Variants in DEAF1 observed in about 807,000 individuals in gnomAD.
DEAF1 encodes the protein DEAF1 transcription factor, also known as deformed epidermal autoregulatory factor 1 homolog.
In DEAF1, 53 loss-of-function variants were observed where a neutral mutation model predicts 58.9. That is an observed-to-expected ratio of 0.90 (90% CI 0.72 to 1.13). DEAF1 has a LOEUF of 1.13. Among genes scored for constraint, DEAF1 ranks in the 50% most tolerant of loss-of-function variants. The pLI is 0.00. For synonymous variants in DEAF1, 385 were observed against 340.4 expected (o/e 1.13, Z -1.44); for missense variants, 685 against 791.4 (o/e 0.87, Z 1.61).
At chr11:655,612 G>A (rs919330209) in intron 10 of DEAF1, among the ~76,000 whole-genome samples, 9 of 151,980 alleles carry the variant, frequency 5.9e-5, no homozygotes, top group African/African-American at 1.7e-4. Flanking sequence ...CACAGGAAAC[G>A]ACTCCAGCGC....
upstream of DEAF1, chr11:699,116 C>T (rs1861330982): frequency 1.9e-6 from 1 of 525,922 alleles, no homozygotes; most frequent in Non-Finnish European, 3.4e-6. Context: ...CTAAGCACGC[C>T]ACACTGCCGG....
chr11:671,113 A>T (rs942157827), intron 10 of DEAF1, among the ~76,000 whole-genome samples: 4 of 151,270 alleles, frequency 2.6e-5, no homozygotes, highest in African/African-American at 7.3e-5. Context: ...TATTTTTAGT[A>T]GAGATGGGGT....
intron 10 of DEAF1, among the ~76,000 whole-genome samples, chr11:664,043 T>A (rs1859428425): frequency 6.6e-6 from 1 of 151,738 alleles, no homozygotes; most frequent in Admixed American, 6.6e-5. Flanking sequence ...AGAAACCCCA[T>A]CTCTACTAAA....
chr11:662,749 G>A (rs987827448), intron 10 of DEAF1, among the ~76,000 whole-genome samples: 19 of 152,170 alleles, frequency 1.2e-4, no homozygotes, highest in African/African-American at 4.6e-4. Context: ...CCTGGGTGCT[G>A]TACCATGATG....
intron 10 of DEAF1, 76 bp from the exon 11 acceptor site, chr11:654,127 T>TACA: frequency 8.1e-7 from 1 of 1,241,764 alleles, no homozygotes; most frequent in South Asian, 1.2e-5. Flanking sequence ...CAGAGGCAGG[T>TACA]GCAGGCAGGA....
intron 5 of DEAF1, among the ~76,000 whole-genome samples, chr11:685,975 C>T (rs1359465153): frequency 2.1e-5 from 3 of 142,432 alleles, no homozygotes; most frequent in South Asian, 4.4e-4. Context: ...GAAACCCTGT[C>T]CCTATTAAAA....
chr11:692,404 G>A (rs1341542584), intron 1 of DEAF1: 1 of 155,604 alleles, frequency 6.4e-6, no homozygotes, highest in Non-Finnish European at 1.4e-5. Flanking sequence ...TTCCTGTGAT[G>A]CTCCTAGGCC....
intron 1 of DEAF1, among the ~76,000 whole-genome samples, chr11:693,825 A>G (rs1860948439): frequency 6.6e-6 from 1 of 152,216 alleles, no homozygotes; most frequent in South Asian, 2.1e-4. Context: ...CAGCTTATAT[A>G]AAAATGTGGA....
intron 1 of DEAF1, among the ~76,000 whole-genome samples, chr11:701,379 T>TG (rs1274772117): frequency 5.3e-5 from 8 of 150,174 alleles, no homozygotes; most frequent in African/African-American, 1.7e-4. Flanking sequence ...TGTTTTGTTT[T>TG]TTTTTGGTAG....
chr11:667,567 C>T (rs1037202658), intron 10 of DEAF1, among the ~76,000 whole-genome samples: 4 of 151,876 alleles, frequency 2.6e-5, no homozygotes, highest in Non-Finnish European at 2.9e-5. Flanking sequence ...TTTGGGAGGC[C>T]GAGGCAGGTG....
intron 5 of DEAF1, 119 bp from the exon 6 acceptor site, chr11:685,082 C>CTT (rs55670454): frequency 0.34 from 116,893 of 340,842 alleles, 16,720 homozygotes; most frequent in African/African-American, 0.5. Context: ...TATAAAAATT[C>CTT]TTTTTTTTTT....
intron 11 of DEAF1, among the ~76,000 whole-genome samples, chr11:653,071 G>A (rs1291357185): frequency 1.9e-5 from 2 of 105,072 alleles, no homozygotes; most frequent in Non-Finnish European, 1.7e-5. Flanking sequence ...GTGACAGAAT[G>A]AGACTCTGTC....
At chr11:657,057 C>T (rs1185775556) in intron 10 of DEAF1, among the ~76,000 whole-genome samples, 1 of 152,166 alleles carries the variant, frequency 6.6e-6, no homozygotes, top group African/African-American at 2.4e-5. Context: ...ACACCCTCGT[C>T]CCTGCTCTGC....
intron 5 of DEAF1, among the ~76,000 whole-genome samples, chr11:685,854 CA>C (rs1343123164): frequency 1.3e-5 from 2 of 151,078 alleles, no homozygotes; most frequent in South Asian, 2.1e-4. Flanking sequence ...CATTAAAATA[CA>C]AAAATTAGGC....
intron 10 of DEAF1, among the ~76,000 whole-genome samples, chr11:658,840 CCTA>C (rs1859188521): frequency 6.6e-6 from 1 of 152,242 alleles, no homozygotes. Flanking sequence ...CAGGAACACA[CCTA>C]CTTTTGGCAA....
intron 10 of DEAF1, among the ~76,000 whole-genome samples, chr11:655,632 GCC>G (rs1391346867): frequency 6.6e-6 from 1 of 152,200 alleles, no homozygotes; most frequent in African/African-American, 2.4e-5. Flanking sequence ...CGGCCCCACG[GCC>G]CCTGCACGCG....
At chr11:695,837 C>A, upstream of DEAF1, 2 of 1,230,362 alleles carry the variant, frequency 1.6e-6, no homozygotes, top group Non-Finnish European at 2.0e-6. Flanking sequence ...GATGGCGGCC[C>A]CGCGGCGAGG....
intron 1 of DEAF1, 99 bp downstream of exon 1, chr11:694,660 G>A: frequency 8.8e-7 from 1 of 1,140,954 alleles, no homozygotes; most frequent in Non-Finnish European, 1.1e-6. Flanking sequence ...GTGAGGGACA[G>A]GTGTGGCGGG....
chr11:673,095 G>A (rs1311625421), intron 10 of DEAF1, among the ~76,000 whole-genome samples: 2 of 151,966 alleles, frequency 1.3e-5, no homozygotes, highest in African/African-American at 4.8e-5. Flanking sequence ...GTTGCAGTTA[G>A]CCAAGATCGT....
Sources: allele counts gnomAD v4.1 joint callset (sites outside exome capture counted in the v4.1 genomes callset), GRCh38; gene constraint gnomAD v4.1.1; transcripts MANE v1.5; gene names NCBI Gene and HGNC (gene_info 2026-07-23, HGNC 2026-07-21).